The following ZNF431 variants were observed in gnomAD, a reference collection of about 807,000 sequenced individuals.
ZNF431 encodes the protein zinc finger protein 431.
ZNF431 carries 34 observed loss-of-function variants against 57.0 expected under a neutral mutation model. The ratio of observed to expected loss-of-function variants is 0.60; its 90% CI spans 0.45 to 0.79. The LOEUF (loss-of-function observed/expected upper bound fraction) is 0.79. Ranked by LOEUF, ZNF431 falls within the 30% of genes least tolerant of loss-of-function variation. The pLI, the probability that ZNF431 is intolerant of heterozygous loss-of-function variation, is 0.00. For missense variants in ZNF431, 607 were observed against 667.1 expected, an observed-to-expected ratio of 0.91 and a Z score of 0.99; for synonymous variants, 207 against 220.3, an observed-to-expected ratio of 0.94 and a Z score of 0.54.
At chr19:21,143,689 C>G (rs1278305364) in intron 2 of ZNF431, 46 bp downstream of exon 2, 1 of 1,461,092 alleles carries the variant, frequency 6.8e-7, no homozygotes, top group African/African-American at 1.4e-5. Flanking sequence ...ACCCAGCTTT[C>G]ATTTCTTGGG....
chr19:21,158,089 C>T (rs1005821186), intron 2 of ZNF431, among the ~76,000 whole-genome samples: 7 of 152,088 alleles, frequency 4.6e-5, no homozygotes, highest in African/African-American at 1.4e-4. Context: ...TAGTTTGATA[C>T]AAATAGCATT....
chr19:21,152,107 A>C (rs1036384384), intron 2 of ZNF431, among the ~76,000 whole-genome samples: 1 of 152,244 alleles, frequency 6.6e-6, no homozygotes, highest in Non-Finnish European at 1.5e-5. Context: ...CTTAACAACC[A>C]ATATGAAACT....
At position 21,151,401 on chromosome 19, in the gene ZNF431, T is replaced by G. The variant is rs146746646; in HGVS notation, c.96+7758T>G. ...CTTTTAAATTTCTTATTACCAGACT[T>G]TATTCAGGTCAAACAGCCAATATCT... On this transcript the variant is annotated intron_variant, in intron 2 of 4. Transcript: ENST00000311048. 1.9e-3 allele frequency among the ~76,000 whole-genome samples: 291 copies of G among 152,292 alleles called. 1 individual carries two copies. Among genetic ancestry groups the G allele is most frequent in the African/African-American group, 6.9e-3 (285 of 41,560 alleles).
chr19:21,144,857 A>G (rs1209200014), intron 2 of ZNF431, among the ~76,000 whole-genome samples: 3 of 152,202 alleles, frequency 2.0e-5, no homozygotes, highest in Non-Finnish European at 2.9e-5. Context: ...GTGACTAAAT[A>G]TCTCTGTTCA....
intron 2 of ZNF431, among the ~76,000 whole-genome samples, chr19:21,163,748 G>T (rs1041145273): frequency 7.2e-5 from 11 of 152,034 alleles, no homozygotes; most frequent in Non-Finnish European, 1.6e-4. Flanking sequence ...TTGAACTCCA[G>T]ACCTCAGGTG....
chr19:21,178,985 A>G (rs950782566), intron 4 of ZNF431, among the ~76,000 whole-genome samples: 1 of 152,126 alleles, frequency 6.6e-6, no homozygotes, highest in Non-Finnish European at 1.5e-5. Context: ...GAATTCAGCT[A>G]TAAATTTATC....
In ZNF431 at chr19:21,187,485, T is replaced by C. The variant is rs1038263195; in HGVS notation, c.*3451T>C. ...TGGGCGTGGTGGCTCACGCCTGTAA[T>C]CCCAGCACTTTGGGAGGCCAAGGTG... On this transcript the variant is annotated 3_prime_UTR_variant, in exon 5 of 5. Transcript: ENST00000311048. The C allele has an allele frequency of 1.4e-5, 2 of 140,728 alleles. No individual in the cohort carries two copies. Among genetic ancestry groups the C allele is most frequent in the African/African-American group, 5.2e-5 (2 of 38,408 alleles). The allele number at this position is 140,728 out of a possible 1,614,324, so 8.7% of individuals were successfully genotyped here. A position where few individuals can be genotyped will look rare whatever the true frequency, so the allele number is the denominator to read the frequency against.
rs964872752 is a variant in ZNF431 at position 21,142,164 on chromosome 19, G to T, written c.-20G>T. 9 of 1,612,740 alleles carry T rather than the reference G, an allele frequency of 5.6e-6. No homozygotes were observed. In the African/African-American group the frequency reaches 1.2e-4, roughly 22 times the overall value. On this transcript the variant is annotated 5_prime_UTR_variant, in exon 1 of 5. Coordinates refer to ENST00000311048, the MANE Select transcript of ZNF431 (RefSeq NM_133473.4). ...GGGAGACCCACAGCTAAGACACCGG[G>T]ACCCCCTGAAAGCCTAGAAATGGTG...
chr19:21,175,783 C>G lies in ZNF431; in HGVS notation c.320-6840C>G, dbSNP rs544212952. ...TTCCTTTTTATGGCTGCATATTAGT[C>G]TATGGTGCATATGTACCACATTTTC... On this transcript the variant is annotated intron_variant, in intron 4 of 4. Coordinates refer to ENST00000311048, the MANE Select transcript of ZNF431 (RefSeq NM_133473.4). Among the ~76,000 whole-genome samples the G allele has an allele frequency of 8.7e-4, 132 of 152,294 alleles. 1 individual carries two copies. Among genetic ancestry groups the G allele is most frequent in the African/African-American group, 3.0e-3 (123 of 41,562 alleles).
At chr19:21,175,446 G>C (rs1423158321) in intron 4 of ZNF431, 1 of 695,804 alleles carries the variant, frequency 1.4e-6, no homozygotes, top group African/African-American at 1.8e-5. Flanking sequence ...TTAATTTTAT[G>C]TTCCAGGATA....
chr19:21,143,477 C>CTAA, intron 1 of ZNF431, 74 bp from the exon 2 acceptor site: 1 of 1,207,210 alleles, frequency 8.3e-7, no homozygotes, highest in Non-Finnish European at 1.2e-6. Context: ...TGGGGATGAA[C>CTAA]TAAGATATCC....
In ZNF431 at chr19:21,183,506, A is replaced by G; in HGVS notation, c.1203A>G (p.Lys401=). Residue 401 remains lysine, a synonymous_variant, in exon 5 of 5, where the codon AAA becomes AAG. Transcript: ENST00000311048. ...KRIHTGEKPY[K]CEVCGKAFNE... ...TTCATACTGGAGAGAAACCCTACAA[A>G]TGTGAAGTGTGTGGCAAAGCCTTTA... 6.2e-7 allele frequency: 1 copy of G among 1,613,744 alleles called. No homozygotes were observed. The highest frequency in any genetic ancestry group is 8.5e-7 in the Non-Finnish European group (1 of 1,179,932).
intron 4 of ZNF431, among the ~76,000 whole-genome samples, chr19:21,182,327 A>G (rs1009966065): frequency 1.3e-5 from 2 of 152,230 alleles, no homozygotes; most frequent in African/African-American, 4.8e-5. Flanking sequence ...GTTGAGTAGG[A>G]AGAACTGTGT....
At chr19:21,158,189 G>C (rs1168096643) in intron 2 of ZNF431, among the ~76,000 whole-genome samples, 1 of 151,854 alleles carries the variant, frequency 6.6e-6, no homozygotes, top group Non-Finnish European at 1.5e-5. Flanking sequence ...TAATTTGTTT[G>C]TGTCATCTCT....
intron 4 of ZNF431, among the ~76,000 whole-genome samples, chr19:21,180,982 A>AG (rs1971195061): frequency 6.6e-6 from 1 of 151,518 alleles, no homozygotes; most frequent in Non-Finnish European, 1.5e-5. Flanking sequence ...GCATCCAAAA[A>AG]TTTTTTCTCA....
At position 21,190,680 on chromosome 19, in the gene ZNF431, G is replaced by A. The variant is rs1369259386; in HGVS notation, c.*6646G>A. The A allele has an allele frequency of 1.9e-5, 1 of 52,274 alleles. No individual in the cohort carries two copies. 3.2% of individuals were successfully genotyped at this position (52,274 alleles called of 1,614,324 possible). The stretch of plus-strand genomic sequence containing the variant: ...TTTCCTTTTTTTTTTTTTTCTTTTT[G>A]AGATGGAGTTTTGTTCTTGTTGCCC... On this transcript the variant is annotated 3_prime_UTR_variant, in exon 5 of 5. Coordinates refer to ENST00000311048, the MANE Select transcript of ZNF431 (RefSeq NM_133473.4).
Position 21,190,126 on chromosome 19 carries a change from G to A in ZNF431, c.*6092G>A. 1 of 366,140 alleles carries A rather than the reference G, an allele frequency of 2.7e-6. No homozygotes were observed. The allele number at this position is 366,140 out of a possible 1,614,324, so 22.7% of individuals were successfully genotyped here. ...AGAGGTTGCAGTGAACTGAGATCAT[G>A]CCACTGCACTCCATCCTGGGCAACA... On this transcript the variant is annotated 3_prime_UTR_variant, in exon 5 of 5. Transcript: ENST00000311048.
At chr19:21,175,367 T>C in intron 4 of ZNF431, 2 of 678,876 alleles carry the variant, frequency 2.9e-6, no homozygotes, top group South Asian at 3.2e-5. Context: ...ATTTTTAAAA[T>C]GACTGCTTAA....
chr19:21,165,164 A>G lies in ZNF431; in HGVS notation c.97-1171A>G, dbSNP rs530062799. ...CATCATGGCTTCTTATATGCAATGC[A>G]GAATTCCTACCATGAATTTATGATC... On this transcript the variant is annotated intron_variant, in intron 2 of 4. Transcript: ENST00000311048. Among the ~76,000 whole-genome samples the G allele has an allele frequency of 1.7e-3, 257 of 152,190 alleles. 4 individuals are homozygous for G. The South Asian group carries it at 0.034, about 20-fold the overall frequency.
Sources: allele counts gnomAD v4.1 joint callset (sites outside exome capture counted in the v4.1 genomes callset), GRCh38; gene constraint gnomAD v4.1.1; transcripts MANE v1.5; gene names NCBI Gene and HGNC (gene_info 2026-07-23, HGNC 2026-07-21).